F5: variants seen among roughly 807,000 people sequenced by gnomAD.
F5 encodes coagulation factor V.
In F5, 138 loss-of-function variants were observed where a neutral mutation model predicts 216.4. That is an observed-to-expected ratio of 0.64 (90% confidence interval 0.56 to 0.73). The LOEUF is 0.73. Among genes scored for constraint, F5 ranks in the 30% least tolerant of loss-of-function variants. The probability of loss-of-function intolerance (pLI) is 0.00; values close to 1 mark genes in which losing one functional copy is unlikely to be tolerated. For missense variants in F5, 2,403 were observed against 2,674.0 expected, an observed-to-expected ratio of 0.90 and a Z score of 2.24; for synonymous variants, 916 against 930.7, an observed-to-expected ratio of 0.98 and a Z score of 0.29.
chr1:169,578,581 A>G (rs16862380), intron 2 of F5, among the ~76,000 whole-genome samples: 15 of 152,098 alleles, frequency 9.9e-5, no homozygotes, highest in East Asian at 5.8e-4. Flanking sequence ...ACCGGCCCCA[A>G]TCCTCTTTTC....
intron 2 of F5, among the ~76,000 whole-genome samples, chr1:169,576,336 T>G (rs1035994536): frequency 3.3e-5 from 5 of 152,328 alleles, no homozygotes; most frequent in Non-Finnish European, 7.3e-5. Context: ...ATTCCTTTCC[T>G]TGAACTCCTA....
At chr1:169,567,392 A>AAAAAG (rs139303643) in intron 3 of F5, among the ~76,000 whole-genome samples, 2 of 151,454 alleles carry the variant, frequency 1.3e-5, no homozygotes, top group African/African-American at 4.9e-5. Flanking sequence ...ATAAAAAAAA[A>AAAAAG]TCTCCCAAAG....
intron 11 of F5, among the ~76,000 whole-genome samples, chr1:169,545,602 A>G (rs1659978559): frequency 6.6e-6 from 1 of 152,264 alleles, no homozygotes; most frequent in Admixed American, 6.5e-5. Flanking sequence ...ATTCACTGCC[A>G]AAAGGAAGTT....
At chr1:169,556,322 C>CATATGAA (rs1307532983) in intron 6 of F5, among the ~76,000 whole-genome samples, 3 of 150,728 alleles carry the variant, frequency 2.0e-5, no homozygotes, top group Admixed American at 6.7e-5. Flanking sequence ...GTCTTTTTTG[C>CATATGAA]ATATGAAGTA....
At chr1:169,572,444 C>T in intron 2 of F5, 101 bp from the exon 3 acceptor site, 1 of 1,419,664 alleles carries the variant, frequency 7.0e-7, no homozygotes, top group Non-Finnish European at 9.8e-7. Flanking sequence ...GTGATTGCTA[C>T]CATTCCTCCT....
At chr1:169,579,835 T>C (rs796181279) in intron 2 of F5, among the ~76,000 whole-genome samples, 23 of 152,328 alleles carry the variant, frequency 1.5e-4, no homozygotes, top group African/African-American at 5.3e-4. Context: ...TTCTCCAATC[T>C]ATTCTCTATA....
intron 2 of F5, 80 bp from the exon 3 acceptor site, chr1:169,572,423 T>C: frequency 6.5e-7 from 1 of 1,535,444 alleles, no homozygotes; most frequent in Non-Finnish European, 9.0e-7. Flanking sequence ...AACAAACAGA[T>C]GATACCAAGA....
intron 4 of F5, among the ~76,000 whole-genome samples, 185 bp from the exon 5 acceptor site, chr1:169,559,481 C>T (rs1225407513): frequency 6.6e-6 from 1 of 152,100 alleles, no homozygotes; most frequent in Non-Finnish European, 1.5e-5. Flanking sequence ...AAATCTGGTG[C>T]CACACTGTCT....
intron 22 of F5, among the ~76,000 whole-genome samples, chr1:169,519,710 A>G (rs1229553465): frequency 6.6e-6 from 1 of 152,160 alleles, no homozygotes; most frequent in Non-Finnish European, 1.5e-5. Flanking sequence ...TAGTGCACCT[A>G]TTTATTGATC....
intron 23 of F5, among the ~76,000 whole-genome samples, chr1:169,515,952 G>A (rs961203758): frequency 6.6e-6 from 1 of 152,054 alleles, no homozygotes; most frequent in Non-Finnish European, 1.5e-5. Flanking sequence ...ATAAATAGTT[G>A]TTGAATAAAT....
chr1:169,572,179 T>G (rs1190675395), intron 3 of F5, 42 bp downstream of exon 3: 1 of 1,593,516 alleles, frequency 6.3e-7, no homozygotes, highest in Non-Finnish European at 8.6e-7. Context: ...ATTAAAGACT[T>G]AGACATTTTC....
At chr1:169,572,135 G>A (rs918246230) in intron 3 of F5, 86 bp downstream of exon 3, 1 of 1,363,812 alleles carries the variant, frequency 7.3e-7, no homozygotes, top group Non-Finnish European at 1.0e-6. Flanking sequence ...AACAACACGT[G>A]GTTAACAGTA....
chr1:169,523,394 A>T, intron 20 of F5, 42 bp from the exon 21 acceptor site: 2 of 1,608,964 alleles, frequency 1.2e-6, no homozygotes, highest in Non-Finnish European at 1.7e-6. Flanking sequence ...GTCCTTGTCA[A>T]CAAGTCACAC....
chr1:169,584,147 A>G (rs897283273), intron 1 of F5, among the ~76,000 whole-genome samples: 1 of 152,204 alleles, frequency 6.6e-6, no homozygotes, highest in Non-Finnish European at 1.5e-5. Flanking sequence ...ATCTTTACTA[A>G]AAAATATCAG....
At chr1:169,586,129 TAAAA>T in intron 1 of F5, 96 bp downstream of exon 1, 4 of 1,247,432 alleles carry the variant, frequency 3.2e-6, no homozygotes, top group Non-Finnish European at 4.5e-6. Flanking sequence ...TACCTGAAGT[TAAAA>T]AAAAAAAAAG....
chr1:169,529,910 G>A, intron 15 of F5, 92 bp from the exon 16 acceptor site: 1 of 987,108 alleles, frequency 1.0e-6, no homozygotes, highest in Non-Finnish European at 1.6e-6. Context: ...GAAACTTTCT[G>A]ATAGGCTCTG....
At chr1:169,548,434 C>T (rs1414665227) in intron 10 of F5, among the ~76,000 whole-genome samples, 1 of 152,074 alleles carries the variant, frequency 6.6e-6, no homozygotes, top group Non-Finnish European at 1.5e-5. Context: ...TTCTCAGAAA[C>T]CAAAGTGACA....
rs550497101 is a variant in F5, at chr1:169,526,852, A to G, written c.5600-835T>C. ...CTCTTCTGTCTCTGATTTTAATACA[A>G]TAAATTATCTATTAATTATTATATT... On this transcript the variant is annotated intron_variant, in intron 17 of 24. Coordinates refer to ENST00000367797, the MANE Select transcript of F5 (RefSeq NM_000130.5). 3.0e-4 allele frequency among the ~76,000 whole-genome samples: 46 copies of G among 151,456 alleles called. No homozygotes were observed. In the South Asian group the frequency reaches 9.6e-3, roughly 31 times the overall value.
Position 169,513,551 on chromosome 1 carries a change from C to T in F5, c.*762G>A, listed in dbSNP as rs753366128. On this transcript the variant is annotated 3_prime_UTR_variant, in exon 25 of 25. Coordinates refer to ENST00000367797, the MANE Select transcript of F5 (RefSeq NM_000130.5). ...ACAACTGCATTTAGACCAGCAGTTCCCATGCTCTGTTTTACAGGTCTGAGC... is the reference window on the plus strand; with the variant it reads ...ACAACTGCATTTAGACCAGCAGTTCTCATGCTCTGTTTTACAGGTCTGAGC... Among the ~76,000 whole-genome samples, 9 of 152,112 alleles carry T rather than the reference C, an allele frequency of 5.9e-5. No individual in the cohort carries two copies. The highest frequency in any genetic ancestry group is 1.0e-4 in the Non-Finnish European group (7 of 68,008).
Sources: allele counts gnomAD v4.1 joint callset (sites outside exome capture counted in the v4.1 genomes callset), GRCh38; gene constraint gnomAD v4.1.1; transcripts MANE v1.5; gene names NCBI Gene and HGNC (gene_info 2026-07-23, HGNC 2026-07-21).